CTDSPL: variants seen among roughly 807,000 people sequenced by gnomAD.
CTDSPL encodes the protein CTD small phosphatase-like protein.
CTDSPL carries 8 observed loss-of-function variants against 30.5 expected under a neutral mutation model. The ratio of observed to expected loss-of-function variants is 0.26; its 90% confidence interval spans 0.15 to 0.47. CTDSPL has a LOEUF of 0.47. Ranked by LOEUF, CTDSPL falls within the 20% of genes least tolerant of loss-of-function variation. The probability of loss-of-function intolerance (pLI) is 0.99; values close to 1 mark genes in which losing one functional copy is unlikely to be tolerated. For synonymous variants in CTDSPL, 110 were observed against 137.9 expected, an observed-to-expected ratio of 0.80 and a Z score of 1.42; for missense variants, 248 against 366.1, an observed-to-expected ratio of 0.68 and a Z score of 2.63.
At chr3:37,961,122 A>G (rs1183247049) in intron 3 of CTDSPL, among the ~76,000 whole-genome samples, 1 of 152,208 alleles carries the variant, frequency 6.6e-6, no homozygotes, top group Non-Finnish European at 1.5e-5. Context: ...TAAGGCATGA[A>G]GTAGGAAGCT....
intron 4 of CTDSPL, among the ~76,000 whole-genome samples, chr3:37,966,555 C>CT (rs1325884895): frequency 1.3e-5 from 2 of 152,048 alleles, no homozygotes; most frequent in African/African-American, 4.8e-5. Flanking sequence ...TTCCTTCAGT[C>CT]TTTCCTTTTG....
chr3:37,936,656 TAAAAAAA>T (rs577097327), intron 1 of CTDSPL, among the ~76,000 whole-genome samples: 25 of 94,788 alleles, frequency 2.6e-4, no homozygotes, highest in Non-Finnish European at 2.3e-4. Flanking sequence ...TCTCCCCAGT[TAAAAAAA>T]AAAAAAAAAA....
chr3:37,867,495 A>G (rs966774263), intron 1 of CTDSPL, among the ~76,000 whole-genome samples: 1 of 152,198 alleles, frequency 6.6e-6, no homozygotes, highest in Non-Finnish European at 1.5e-5. Flanking sequence ...TTGCTGGATC[A>G]TATGGTAGTT....
At chr3:37,916,645 G>A (rs1282847338) in intron 1 of CTDSPL, among the ~76,000 whole-genome samples, 2 of 152,174 alleles carry the variant, frequency 1.3e-5, no homozygotes, top group African/African-American at 4.8e-5. Context: ...GAGAGGCAAG[G>A]AAGAGGCATG....
At chr3:37,902,466 C>T (rs1698461598) in intron 1 of CTDSPL, among the ~76,000 whole-genome samples, 1 of 152,090 alleles carries the variant, frequency 6.6e-6, no homozygotes, top group Admixed American at 6.5e-5. Context: ...TCCCAGCAGG[C>T]CTGTGGGCAC....
chr3:37,864,816 C>T (rs1697991010), intron 1 of CTDSPL, among the ~76,000 whole-genome samples: 1 of 151,206 alleles, frequency 6.6e-6, no homozygotes, highest in Non-Finnish European at 1.5e-5. Context: ...AAATATTGGG[C>T]CTGGAATATT....
Position 37,896,626 on chromosome 3 carries a change from T to C in CTDSPL, c.79+34348T>C, listed in dbSNP as rs533559377. Among the ~76,000 whole-genome samples, 22 of 152,186 alleles carry C rather than the reference T, an allele frequency of 1.4e-4. No individual in the cohort carries two copies. The South Asian group carries it at 2.5e-3, about 17-fold the overall frequency. ...ATCACAGCTTACTGTAACTTTGACC[T>C]CCCGGGCTCAAGGGTTCTTCCCACC... On this transcript the variant is annotated intron_variant, in intron 1 of 7. Coordinates refer to ENST00000273179, the MANE Select transcript of CTDSPL (RefSeq NM_001008392.2).
chr3:37,947,168 G>T lies in CTDSPL; in HGVS notation c.191G>T (p.Ser64Ile). The change falls in exon 2 of 8, where the codon AGT becomes ATT. Residue 64 changes from serine to isoleucine, a missense_variant. Ser to Ile is a moderately radical substitution (Grantham distance 142, BLOSUM62 -2). Transcript: ENST00000273179. Reference protein sequence around the residue: ...NVEAPPPSSPSVLPPLVEENG... With the variant: ...NVEAPPPSSPIVLPPLVEENG... The stretch of plus-strand genomic sequence containing the variant: ...GAGGCCCCTCCACCCAGCAGCCCCA[G>T]TGTGCTTCCGCCACTGGTGGAGGAG... The T allele has an allele frequency of 6.2e-7, 1 of 1,612,728 alleles. No individual in the cohort carries two copies. Among genetic ancestry groups the T allele is most frequent in the Non-Finnish European group, 8.5e-7 (1 of 1,179,926 alleles).
At chr3:37,944,282 A>G (rs1699011227) in intron 1 of CTDSPL, among the ~76,000 whole-genome samples, 2 of 150,508 alleles carry the variant, frequency 1.3e-5, no homozygotes, top group South Asian at 2.1e-4. Flanking sequence ...TTTCTCAATT[A>G]TAATCTTTTT....
chr3:37,950,204 C>T (rs935052898), intron 2 of CTDSPL, among the ~76,000 whole-genome samples: 2 of 152,138 alleles, frequency 1.3e-5, no homozygotes, highest in African/African-American at 2.4e-5. Flanking sequence ...AACAGCACTC[C>T]TTGCTGGGCC....
At chr3:37,953,654 C>T (rs1004801349) in intron 2 of CTDSPL, among the ~76,000 whole-genome samples, 2 of 152,124 alleles carry the variant, frequency 1.3e-5, no homozygotes, top group African/African-American at 4.8e-5. Context: ...AATTCAAATT[C>T]AGAAGCATTA....
intron 1 of CTDSPL, among the ~76,000 whole-genome samples, chr3:37,893,118 G>A (rs1253038172): frequency 6.6e-6 from 1 of 152,240 alleles, no homozygotes; most frequent in Non-Finnish European, 1.5e-5. Context: ...TCCTGCTGCA[G>A]GACACAGCTG....
At chr3:37,864,014 TC>T (rs2125585515) in intron 1 of CTDSPL, among the ~76,000 whole-genome samples, 1 of 152,312 alleles carries the variant, frequency 6.6e-6, no homozygotes, top group African/African-American at 2.4e-5. Flanking sequence ...GATCTGGACT[TC>T]CTGCCATAGG....
intron 1 of CTDSPL, among the ~76,000 whole-genome samples, chr3:37,903,017 G>A (rs1226474749): frequency 6.6e-6 from 1 of 152,232 alleles, no homozygotes; most frequent in Non-Finnish European, 1.5e-5. Context: ...CTGGTCCCAG[G>A]TGGGCTTCAG....
At chr3:37,877,942 G>C (rs1045613419) in intron 1 of CTDSPL, among the ~76,000 whole-genome samples, 4 of 152,084 alleles carry the variant, frequency 2.6e-5, no homozygotes, top group Non-Finnish European at 5.9e-5. Flanking sequence ...CTCCCACCGG[G>C]CCCCACTGTC....
intron 1 of CTDSPL, among the ~76,000 whole-genome samples, chr3:37,942,497 G>T (rs994631238): frequency 6.7e-6 from 1 of 150,114 alleles, no homozygotes. Context: ...AGAAAAATTG[G>T]CTGGGCGTGG....
At chr3:37,876,186 G>C (rs550262880) in intron 1 of CTDSPL, among the ~76,000 whole-genome samples, 2 of 152,190 alleles carry the variant, frequency 1.3e-5, no homozygotes, top group South Asian at 2.1e-4. Flanking sequence ...GGAGGCTGTA[G>C]TGAGCCATCA....
chr3:37,910,834 A>G (rs1432674904), intron 1 of CTDSPL, among the ~76,000 whole-genome samples: 1 of 152,132 alleles, frequency 6.6e-6, no homozygotes. Flanking sequence ...CCATGGGGTG[A>G]TGGAGAGAGG....
At position 37,980,892 on chromosome 3, in the gene CTDSPL, C is replaced by T; in HGVS notation, c.*25C>T. On this transcript the variant is annotated 3_prime_UTR_variant, in exon 8 of 8. Transcript: ENST00000273179. ...GCCCTGGCCTCTGCCTGCCTCCCGC[C>T]TGTGCACTCTGGAACCTCTGGCCTC... The T allele has an allele frequency of 6.2e-7, 1 of 1,608,592 alleles. No individual in the cohort carries two copies. Among genetic ancestry groups the T allele is most frequent in the East Asian group, 2.2e-5 (1 of 44,720 alleles).
Sources: gnomAD v4.1 joint callset for allele counts (sites outside exome capture counted in the v4.1 genomes callset) on GRCh38, gnomAD v4.1.1 for gene constraint, MANE v1.5 for transcripts, NCBI Gene and HGNC (gene_info 2026-07-23, HGNC 2026-07-21) for gene names.